Variants in CADM2 observed in about 807,000 individuals in gnomAD.
CADM2 encodes the protein immunoglobulin superfamily member 4D.
Under a neutral mutation model 49.8 loss-of-function variants are expected in CADM2, and 12 were observed. That is an observed-to-expected ratio of 0.24 (90% CI 0.15 to 0.39). The LOEUF (loss-of-function observed/expected upper bound fraction) is 0.39. CADM2 is among the 10% of genes least tolerant of loss of function. The probability of loss-of-function intolerance (pLI) is 1.00; values close to 1 mark genes in which losing one functional copy is unlikely to be tolerated. For missense variants in CADM2, 378 were observed against 492.3 expected, an observed-to-expected ratio of 0.77 and a Z score of 2.20; for synonymous variants, 214 against 175.4, an observed-to-expected ratio of 1.22 and a Z score of -1.74.
chr3:86,018,251 C>G (rs1418369801), intron 8 of CADM2, among the ~76,000 whole-genome samples: 2 of 124,242 alleles, frequency 1.6e-5, no homozygotes, highest in Admixed American at 1.8e-4. Context: ...TGTATATGTG[C>G]CACATTTTCT....
chr3:85,781,523 T>G (rs2070651781), intron 2 of CADM2, among the ~76,000 whole-genome samples: 1 of 152,296 alleles, frequency 6.6e-6, no homozygotes, highest in Non-Finnish European at 1.5e-5. Context: ...CTGAAAGCCT[T>G]TCATAGTCCT....
intron 1 of CADM2, among the ~76,000 whole-genome samples, chr3:85,450,191 A>C (rs905029075): frequency 6.6e-6 from 1 of 152,184 alleles, no homozygotes; most frequent in African/African-American, 2.4e-5. Flanking sequence ...TATTTAAGGA[A>C]CATGGTAAAA....
chr3:85,441,471 CAG>C (rs1370462278), intron 1 of CADM2, among the ~76,000 whole-genome samples: 2 of 152,026 alleles, frequency 1.3e-5, no homozygotes, highest in African/African-American at 4.8e-5. Context: ...TTTTATATTA[CAG>C]AGAGTCATAT....
At chr3:85,855,573 A>T (rs552079427) in intron 3 of CADM2, among the ~76,000 whole-genome samples, 2 of 138,994 alleles carry the variant, frequency 1.4e-5, no homozygotes, top group East Asian at 3.9e-4. Flanking sequence ...ATATTTATAT[A>T]TATATAAAAA....
At chr3:85,132,708 G>A (rs1159080849) in intron 1 of CADM2, among the ~76,000 whole-genome samples, 1 of 151,930 alleles carries the variant, frequency 6.6e-6, no homozygotes, top group Admixed American at 6.6e-5. Flanking sequence ...CACTAAGGAG[G>A]TATCATTTAG....
intron 1 of CADM2, among the ~76,000 whole-genome samples, chr3:85,504,247 C>T (rs2107670695): frequency 6.6e-6 from 1 of 150,972 alleles, no homozygotes; most frequent in South Asian, 2.1e-4. Context: ...CTTAAGGTGG[C>T]GCGTCTGGAG....
At chr3:85,769,409 A>G (rs1206666998) in intron 2 of CADM2, among the ~76,000 whole-genome samples, 1 of 105,666 alleles carries the variant, frequency 9.5e-6, no homozygotes, top group East Asian at 3.1e-4. Context: ...ATATATATAC[A>G]CGTATATACA....
chr3:85,448,264 C>T lies in CADM2; in HGVS notation c.62-278258C>T, dbSNP rs1005169785. ...AGGAGAATGGCGAGAACCCGGAAGG[C>T]GGAGCTTGCAGTGAGCCGAGATCGC... On this transcript the variant is annotated intron_variant, in intron 1 of 9. Transcript: ENST00000383699. 2.0e-5 allele frequency among the ~76,000 whole-genome samples: 3 copies of T among 147,678 alleles called. No individual in the cohort carries two copies. In the East Asian group the frequency reaches 6.1e-4, roughly 30 times the overall value.
chr3:86,045,467 T>C (rs1419786312), intron 8 of CADM2, among the ~76,000 whole-genome samples: 1 of 152,120 alleles, frequency 6.6e-6, no homozygotes, highest in Non-Finnish European at 1.5e-5. Flanking sequence ...TGAAAAGAGT[T>C]GATAAATGCA....
intron 3 of CADM2, among the ~76,000 whole-genome samples, chr3:85,825,131 A>G (rs2073831967): frequency 6.6e-6 from 1 of 152,122 alleles, no homozygotes; most frequent in African/African-American, 2.4e-5. Context: ...ATTGAGGTAC[A>G]GTTGATCTAA....
intron 1 of CADM2, among the ~76,000 whole-genome samples, chr3:85,531,777 T>G (rs958254254): frequency 6.6e-6 from 1 of 152,204 alleles, no homozygotes. Context: ...AAAAAGTATA[T>G]GAAATCAAAC....
chr3:85,990,642 C>G (rs901369689), intron 8 of CADM2, among the ~76,000 whole-genome samples: 1 of 152,042 alleles, frequency 6.6e-6, no homozygotes, highest in African/African-American at 2.4e-5. Context: ...ATGGCTGGTT[C>G]ACAATAAATA....
chr3:85,067,511 G>A (rs766960227), intron 1 of CADM2, among the ~76,000 whole-genome samples: 4 of 152,088 alleles, frequency 2.6e-5, no homozygotes, highest in Non-Finnish European at 4.4e-5. Flanking sequence ...TCCTTTAACA[G>A]TTTTACCCGT....
chr3:85,610,307 T>G lies in CADM2; in HGVS notation c.62-116215T>G, dbSNP rs1405532316. Among the ~76,000 whole-genome samples, 3 of 151,970 alleles carry G rather than the reference T, an allele frequency of 2.0e-5. No homozygotes were observed. In the East Asian group the frequency reaches 5.8e-4, roughly 29 times the overall value. The stretch of plus-strand genomic sequence containing the variant: ...AGTATCTAAATACATTGTGAATACC[T>G]ATGCTTTTTAATATAATTGATAAAA... On this transcript the variant is annotated intron_variant, in intron 1 of 9. Coordinates refer to ENST00000383699, the MANE Select transcript of CADM2 (RefSeq NM_001167675.2).
At chr3:85,019,289 C>T (rs970434227) in intron 1 of CADM2, among the ~76,000 whole-genome samples, 1 of 152,064 alleles carries the variant, frequency 6.6e-6, no homozygotes, top group Admixed American at 6.6e-5. Context: ...TTGCGACCAA[C>T]CTGGGCAACA....
rs552795967 is a variant in CADM2, at chr3:85,843,271, CT to C, written c.239-40017del. Reference sequence around the variant, plus strand: ...GATAATATTTTGCTTTCTTTGCTGACTTTAAGTGCATGGGAATCAATAGCAG... The same window carrying C: ...GATAATATTTTGCTTTCTTTGCTGACTTAAGTGCATGGGAATCAATAGCAG... On this transcript the variant is annotated intron_variant, in intron 3 of 9. Transcript: ENST00000383699. Among the ~76,000 whole-genome samples the C allele has an allele frequency of 2.7e-3, 412 of 152,120 alleles. 1 individual carries two copies. The highest frequency in any genetic ancestry group is 9.6e-3 in the African/African-American group (399 of 41,506).
At chr3:85,190,753 C>A (rs540117747) in intron 1 of CADM2, among the ~76,000 whole-genome samples, 77 of 152,086 alleles carry the variant, frequency 5.1e-4, no homozygotes, top group Non-Finnish European at 4.6e-4. Context: ...GTGCTGCTGT[C>A]CTCAACTTGT....
At chr3:85,562,903 G>A (rs1449382) in intron 1 of CADM2, among the ~76,000 whole-genome samples, 77,901 of 151,918 alleles carry the variant, frequency 0.51, 23,039 homozygotes, top group East Asian at 0.85. Flanking sequence ...TGAGTTAATA[G>A]CATCTGTTCC....
rs1160022152 is a variant in CADM2 at position 85,873,668 on chromosome 3, CA to C, written c.239-9616del. On this transcript the variant is annotated intron_variant, in intron 3 of 9. Coordinates refer to ENST00000383699, the MANE Select transcript of CADM2 (RefSeq NM_001167675.2). ...GTGACAGAGTGAGTGAAATTCATCT[CA>C]AAAAAATAAAATTAAATTAAATTTA... is the stretch of plus-strand genomic sequence containing the variant. 2.0e-5 allele frequency among the ~76,000 whole-genome samples: 3 copies of C among 151,594 alleles called. No individual in the cohort carries two copies. The East Asian group carries it at 5.8e-4, about 30-fold the overall frequency.
Sources: gnomAD v4.1 joint callset for allele counts (sites outside exome capture counted in the v4.1 genomes callset) on GRCh38, gnomAD v4.1.1 for gene constraint, MANE v1.5 for transcripts, NCBI Gene and HGNC (gene_info 2026-07-23, HGNC 2026-07-21) for gene names.